Variants in MYO16 observed in about 807,000 individuals in gnomAD.
The protein encoded by MYO16 is myosin XVI, also known as unconventional myosin-XVI.
A neutral mutation model predicts 205.3 loss-of-function variants in MYO16; 94 were observed. That is an observed-to-expected ratio of 0.46 (90% confidence interval 0.39 to 0.54). MYO16 has a LOEUF of 0.54. Ranked by LOEUF, MYO16 falls within the 20% of genes least tolerant of loss-of-function variation. MYO16 has a pLI of 0.00. For missense variants in MYO16, 2,315 were observed against 2,387.5 expected (o/e 0.97, Z 0.63); for synonymous variants, 988 against 954.0 (o/e 1.04, Z -0.66).
chr13:108,938,739 C>T (rs1449589878), intron 16 of MYO16, among the ~76,000 whole-genome samples: 1 of 152,234 alleles, frequency 6.6e-6, no homozygotes, highest in Non-Finnish European at 1.5e-5. Flanking sequence ...GAGAGGATCT[C>T]ACTGCACCAC....
At chr13:108,638,729 T>A (rs966383412) in intron 1 of MYO16, among the ~76,000 whole-genome samples, 2 of 152,200 alleles carry the variant, frequency 1.3e-5, no homozygotes, top group Non-Finnish European at 2.9e-5. Flanking sequence ...AAATAGAATT[T>A]TTTTCTACAA....
chr13:108,565,931 G>T, the MYO16 span, among the ~76,000 whole-genome samples: 1 of 151,340 alleles, frequency 6.6e-6, no homozygotes, highest in Admixed American at 6.6e-5. Context: ...AATTTGGTTT[G>T]CTAATGCTTT....
intron 31 of MYO16, among the ~76,000 whole-genome samples, chr13:109,139,676 C>T (rs544721100): frequency 1.2e-4 from 18 of 148,008 alleles, no homozygotes; most frequent in Non-Finnish European, 1.8e-4. Flanking sequence ...AAGGGGTCTA[C>T]GTGAAAGGGT....
intron 2 of MYO16, among the ~76,000 whole-genome samples, chr13:108,686,186 C>A (rs1240427114): frequency 6.6e-6 from 1 of 152,114 alleles, no homozygotes; most frequent in Non-Finnish European, 1.5e-5. Flanking sequence ...AGGAGTGGAG[C>A]CGCCTTGATG....
At chr13:108,805,528 G>A (rs1216987546) in intron 6 of MYO16, among the ~76,000 whole-genome samples, 1 of 151,976 alleles carries the variant, frequency 6.6e-6, no homozygotes, top group Non-Finnish European at 1.5e-5. Context: ...CTAGAAGATG[G>A]CATTGATTTT....
At chr13:108,569,947 A>G in the MYO16 span, among the ~76,000 whole-genome samples, 16 of 152,194 alleles carry the variant, frequency 1.1e-4, no homozygotes, top group Admixed American at 2.0e-4. Flanking sequence ...TGATTTTCAT[A>G]TATTAAACAA....
chr13:108,703,979 G>A (rs1305421477), intron 2 of MYO16, among the ~76,000 whole-genome samples: 5 of 152,142 alleles, frequency 3.3e-5, no homozygotes, highest in African/African-American at 2.4e-5. Flanking sequence ...GTTTGGACAC[G>A]CACAGTGTGT....
At chr13:108,936,737 T>C (rs1566421154) in intron 16 of MYO16, among the ~76,000 whole-genome samples, 1 of 152,204 alleles carries the variant, frequency 6.6e-6, no homozygotes, top group African/African-American at 2.4e-5. Context: ...GTGAGGTGGA[T>C]CTCTTAAAGA....
chr13:109,060,774 G>C (rs539247909), intron 27 of MYO16, among the ~76,000 whole-genome samples: 1 of 152,040 alleles, frequency 6.6e-6, no homozygotes, highest in Non-Finnish European at 1.5e-5. Flanking sequence ...AATGATAATT[G>C]GCTTCAACTT....
intron 15 of MYO16, among the ~76,000 whole-genome samples, chr13:108,906,820 A>G (rs1252187102): frequency 6.6e-6 from 1 of 152,194 alleles, no homozygotes; most frequent in Non-Finnish European, 1.5e-5. Context: ...GGAAAAATGA[A>G]GCCCAGAGGG....
chr13:108,857,446 G>A lies in MYO16; in HGVS notation c.1359+1893G>A, dbSNP rs938809625. Reference sequence around the variant, plus strand: ...CAGGCTGGCCAGAGGGTGTTTATGGGAGGGACATATGCAGAAGAGGAGGGT... The same window carrying A: ...CAGGCTGGCCAGAGGGTGTTTATGGAAGGGACATATGCAGAAGAGGAGGGT... On this transcript the variant is annotated intron_variant, in intron 11 of 34. Transcript: ENST00000457511. Among the ~76,000 whole-genome samples, 25 of 152,320 alleles carry A rather than the reference G, an allele frequency of 1.6e-4. No individual in the cohort carries two copies. The East Asian group carries it at 2.5e-3, about 15-fold the overall frequency.
At chr13:109,090,829 G>T in intron 27 of MYO16, among the ~76,000 whole-genome samples, 1 of 152,118 alleles carries the variant, frequency 6.6e-6, no homozygotes, top group Non-Finnish European at 1.5e-5. Flanking sequence ...TAGGGGAAAA[G>T]CACTTCTGCA....
intron 13 of MYO16, among the ~76,000 whole-genome samples, chr13:108,884,233 G>T (rs1879750255): frequency 6.6e-6 from 1 of 152,214 alleles, no homozygotes; most frequent in Non-Finnish European, 1.5e-5. Flanking sequence ...TAAAATGAGA[G>T]CTTATATGTT....
the MYO16 span, among the ~76,000 whole-genome samples, chr13:108,574,669 TTGTG>T: frequency 0.019 from 2,586 of 136,464 alleles, 69 homozygotes; most frequent in East Asian, 0.022. Flanking sequence ...CAATAACAAT[TTGTG>T]TGTGTGTGTG....
chr13:108,605,593 ATGCCATCATGTGAAGAAGGACTTGTT>A (rs1448070548), intron 1 of MYO16, among the ~76,000 whole-genome samples: 1 of 152,170 alleles, frequency 6.6e-6, no homozygotes, highest in Admixed American at 6.6e-5. Flanking sequence ...CTTTTCTCAC[ATGCCATCATGTGAAGAAGGACTTGTT>A]TGCTTCCCCT....
At chr13:108,948,702 C>G (rs1392849131) in intron 16 of MYO16, among the ~76,000 whole-genome samples, 1 of 152,330 alleles carries the variant, frequency 6.6e-6, no homozygotes, top group East Asian at 1.9e-4. Flanking sequence ...TTGTCTGTGC[C>G]TCCACATAGC....
At chr13:108,781,511 C>T (rs1424902141) in intron 4 of MYO16, among the ~76,000 whole-genome samples, 2 of 152,210 alleles carry the variant, frequency 1.3e-5, no homozygotes, top group African/African-American at 2.4e-5. Context: ...AGCTGCACGG[C>T]CGGTTCTCCA....
intron 3 of MYO16, among the ~76,000 whole-genome samples, chr13:108,724,910 C>CAT (rs3041979): frequency 0.99 from 151,162 of 152,282 alleles, 75,035 homozygotes; most frequent in Middle Eastern, 1. Context: ...ATATAACTCA[C>CAT]AGTCACAATT....
intron 32 of MYO16, among the ~76,000 whole-genome samples, chr13:109,157,104 G>T (rs1438283789): frequency 6.6e-6 from 1 of 151,868 alleles, no homozygotes; most frequent in Non-Finnish European, 1.5e-5. Flanking sequence ...CTCCCGCTCA[G>T]TGGGATTGAA....
Sources: gnomAD v4.1 joint callset for allele counts (sites outside exome capture counted in the v4.1 genomes callset) on GRCh38, gnomAD v4.1.1 for gene constraint, MANE v1.5 for transcripts, NCBI Gene and HGNC (gene_info 2026-07-23, HGNC 2026-07-21) for gene names.